Variants in NRXN1 observed in about 807,000 individuals in gnomAD.
NRXN1 encodes neurexin-1.
Under a neutral mutation model 150.9 loss-of-function variants are expected in NRXN1, and 39 were observed. The observed-to-expected ratio is 0.26, with a 90% confidence interval of 0.20 to 0.34. The LOEUF is 0.34. Ranked by LOEUF, NRXN1 falls within the 10% of genes least tolerant of loss-of-function variation. NRXN1 has a pLI of 1.00. For synonymous variants in NRXN1, 924 were observed against 757.0 expected (o/e 1.22, Z -3.62); for missense variants, 1,815 against 1,949.9 (o/e 0.93, Z 1.30).
intron 17 of NRXN1, among the ~76,000 whole-genome samples, chr2:50,343,242 A>G (rs748113669): frequency 2.6e-5 from 4 of 152,136 alleles, no homozygotes; most frequent in Non-Finnish European, 5.9e-5. Context: ...CTAATTTTCT[A>G]AAGTATGCAG....
chr2:50,408,033 T>C (rs981682887), intron 17 of NRXN1, among the ~76,000 whole-genome samples: 2 of 152,166 alleles, frequency 1.3e-5, no homozygotes, highest in African/African-American at 4.8e-5. Flanking sequence ...TAAATACTTG[T>C]TGTCCTTCCA....
At chr2:50,235,622 T>A (rs867907519) in intron 18 of NRXN1, among the ~76,000 whole-genome samples, 2 of 152,130 alleles carry the variant, frequency 1.3e-5, no homozygotes, top group Non-Finnish European at 2.9e-5. Flanking sequence ...CATGTTTTTC[T>A]TAATTATTTT....
At chr2:50,441,259 C>A (rs949905175) in intron 17 of NRXN1, among the ~76,000 whole-genome samples, 1 of 152,010 alleles carries the variant, frequency 6.6e-6, no homozygotes, top group Non-Finnish European at 1.5e-5. Context: ...TATAAATTGG[C>A]TATATAATTA....
At chr2:50,209,312 G>C (rs537557019) in intron 18 of NRXN1, among the ~76,000 whole-genome samples, 1 of 152,236 alleles carries the variant, frequency 6.6e-6, no homozygotes, top group South Asian at 2.1e-4. Flanking sequence ...ATGCCAGAGA[G>C]TCTAATTCAA....
chr2:50,066,840 T>C (rs1264351635), intron 19 of NRXN1, among the ~76,000 whole-genome samples: 1 of 152,198 alleles, frequency 6.6e-6, no homozygotes, highest in African/African-American at 2.4e-5. Flanking sequence ...AACTTCAATT[T>C]TATATTATTG....
At chr2:50,788,294 T>C (rs1705427258) in intron 5 of NRXN1, among the ~76,000 whole-genome samples, 1 of 152,012 alleles carries the variant, frequency 6.6e-6, no homozygotes, top group Admixed American at 6.6e-5. Flanking sequence ...TTCACCATGT[T>C]AGCCAAGATG....
chr2:50,352,625 G>A (rs1297219325), intron 17 of NRXN1, among the ~76,000 whole-genome samples: 2 of 151,852 alleles, frequency 1.3e-5, no homozygotes, highest in Admixed American at 6.6e-5. Flanking sequence ...CTGAGCGTCA[G>A]TAAAAAGGGA....
chr2:50,464,780 T>C (rs2088635116), intron 17 of NRXN1, among the ~76,000 whole-genome samples: 1 of 151,928 alleles, frequency 6.6e-6, no homozygotes, highest in African/African-American at 2.4e-5. Context: ...GACACAGAAC[T>C]TCATCTTATA....
intron 18 of NRXN1, among the ~76,000 whole-genome samples, chr2:50,129,741 T>C (rs1402729445): frequency 6.6e-6 from 1 of 152,192 alleles, no homozygotes; most frequent in Non-Finnish European, 1.5e-5. Context: ...TTTAGAGCCA[T>C]GTTAGAATCA....
At chr2:50,613,736 A>G (rs1199615057) in intron 8 of NRXN1, among the ~76,000 whole-genome samples, 1 of 152,200 alleles carries the variant, frequency 6.6e-6, no homozygotes, top group African/African-American at 2.4e-5. Context: ...CAGGACATCC[A>G]GACCATACTG....
chr2:50,064,493 G>T (rs1695053801), intron 19 of NRXN1, among the ~76,000 whole-genome samples: 1 of 151,694 alleles, frequency 6.6e-6, no homozygotes, highest in African/African-American at 2.4e-5. Flanking sequence ...TGGTCAGGGG[G>T]AAATTTCTGC....
intron 5 of NRXN1, among the ~76,000 whole-genome samples, chr2:50,849,252 G>C (rs1674147215): frequency 1.3e-5 from 2 of 152,160 alleles, no homozygotes; most frequent in African/African-American, 4.8e-5. Flanking sequence ...ACTGACCACA[G>C]GCCCTTGATC....
At chr2:49,977,859 A>C (rs995055804) in intron 21 of NRXN1, among the ~76,000 whole-genome samples, 25 of 152,286 alleles carry the variant, frequency 1.6e-4, no homozygotes, top group African/African-American at 5.8e-4. Context: ...TGATATTTGC[A>C]TTTTTAAAGG....
chr2:50,168,754 T>G (rs943209268), intron 18 of NRXN1, among the ~76,000 whole-genome samples: 1 of 152,160 alleles, frequency 6.6e-6, no homozygotes, highest in Non-Finnish European at 1.5e-5. Context: ...CTTACATGAA[T>G]GCAACCCCAG....
intron 10 of NRXN1, 104 bp from the exon 11 acceptor site, chr2:50,531,534 A>ACAC (rs2093112333): frequency 1.2e-6 from 1 of 802,258 alleles, no homozygotes; most frequent in African/African-American, 1.7e-5. Flanking sequence ...GACTTCCAGA[A>ACAC]CACAATACTA....
chr2:50,781,905 T>C (rs1017142386), intron 5 of NRXN1, among the ~76,000 whole-genome samples: 1 of 152,184 alleles, frequency 6.6e-6, no homozygotes. Context: ...ATTAACTCCA[T>C]CCTCACAGAA....
chr2:50,966,098 A>T (rs908047120), intron 2 of NRXN1, among the ~76,000 whole-genome samples: 4 of 151,746 alleles, frequency 2.6e-5, no homozygotes, highest in Non-Finnish European at 4.4e-5. Context: ...ACCTATTTTT[A>T]AAATGTTATT....
chr2:50,523,686 T>C (rs2092860135), intron 12 of NRXN1, among the ~76,000 whole-genome samples: 1 of 152,224 alleles, frequency 6.6e-6, no homozygotes, highest in African/African-American at 2.4e-5. Context: ...TCTTATTATC[T>C]ACTCCAGACA....
At chr2:50,167,911 T>C (rs554635434) in intron 18 of NRXN1, among the ~76,000 whole-genome samples, 95 of 152,344 alleles carry the variant, frequency 6.2e-4, no homozygotes, top group Non-Finnish European at 1.1e-3. Flanking sequence ...GTTCAGTTTA[T>C]TTCTCCACTA....
Sources: allele counts gnomAD v4.1 joint callset (sites outside exome capture counted in the v4.1 genomes callset), GRCh38; gene constraint gnomAD v4.1.1; transcripts MANE v1.5; gene names NCBI Gene and HGNC (gene_info 2026-07-23, HGNC 2026-07-21).